AGL: variants seen among roughly 807,000 people sequenced by gnomAD.
AGL encodes the protein glycogen debranching enzyme.
AGL carries 128 observed loss-of-function variants against 199.3 expected under a neutral mutation model. The observed-to-expected ratio is 0.64, with a 90% CI of 0.56 to 0.74. The LOEUF is 0.74. Ranked by LOEUF, AGL falls within the 30% of genes least tolerant of loss-of-function variation. The probability of loss-of-function intolerance (pLI) is 0.00; values close to 1 mark genes in which losing one functional copy is unlikely to be tolerated. For missense variants in AGL, 1,809 were observed against 1,820.8 expected, an observed-to-expected ratio of 0.99 and a Z score of 0.12; for synonymous variants, 584 against 594.7, an observed-to-expected ratio of 0.98 and a Z score of 0.26.
chr1:99,864,362 G>T, intron 4 of AGL, 24 bp from the exon 5 acceptor site: 1 of 1,587,586 alleles, frequency 6.3e-7, no homozygotes, highest in Middle Eastern at 1.7e-4. Context: ...TTTTACAGTG[G>T]TCTTTCCTTT....
At chr1:99,876,191 A>T (rs1450498084) in intron 10 of AGL, among the ~76,000 whole-genome samples, 1 of 152,222 alleles carries the variant, frequency 6.6e-6, no homozygotes, top group Non-Finnish European at 1.5e-5. Context: ...ATGATTTTTT[A>T]AAATAATTTT....
At chr1:99,908,198 A>G (rs1407904260) in intron 27 of AGL, among the ~76,000 whole-genome samples, 2 of 128,500 alleles carry the variant, frequency 1.6e-5, no homozygotes, top group African/African-American at 5.7e-5. Flanking sequence ...ATATGATATT[A>G]AGTCCAAGTC....
intron 12 of AGL, among the ~76,000 whole-genome samples, chr1:99,879,682 C>G (rs928942004): frequency 6.6e-6 from 1 of 151,958 alleles, no homozygotes; most frequent in Non-Finnish European, 1.5e-5. Context: ...ATGAAACTAA[C>G]ATTTTTCTTC....
At chr1:99,871,137 A>G (rs573023818) in intron 7 of AGL, among the ~76,000 whole-genome samples, 31 of 152,304 alleles carry the variant, frequency 2.0e-4, no homozygotes, top group Middle Eastern at 3.4e-3. Flanking sequence ...TGTGGAACCC[A>G]GTATATAGTT....
At position 99,892,010 on chromosome 1, in the gene AGL, GTTAA is replaced by G. The variant is rs549185039; in HGVS notation, c.3083+274_3083+277del. Among the ~76,000 whole-genome samples, 16 of 152,172 alleles carry G rather than the reference GTTAA, an allele frequency of 1.1e-4. 1 individual carries two copies. The East Asian group carries it at 2.9e-3, about 27-fold the overall frequency. Reference sequence around the variant, plus strand: ...TTCTATGTATTCACTGACTTATTGAGTTAATTGATAAAGTTTCTGAAATCTACAT... The same window carrying G: ...TTCTATGTATTCACTGACTTATTGAGTTGATAAAGTTTCTGAAATCTACAT... On this transcript the variant is annotated intron_variant, in intron 23 of 33. Transcript: ENST00000361915.
intron 2 of AGL, chr1:99,861,170 TA>T: frequency 8.5e-7 from 1 of 1,182,274 alleles, no homozygotes; most frequent in Non-Finnish European, 1.1e-6. Context: ...ATTGGGTACT[TA>T]ATTCAGGGGT....
At chr1:99,880,119 TC>T (rs1394482253) in intron 13 of AGL, 73 bp downstream of exon 13, 1 of 1,586,416 alleles carries the variant, frequency 6.3e-7, no homozygotes, top group Non-Finnish European at 8.6e-7. Context: ...TTTAATAGCT[TC>T]ATATGCAATG....
At chr1:99,910,209 C>A (rs1654634342) in intron 27 of AGL, among the ~76,000 whole-genome samples, 1 of 152,074 alleles carries the variant, frequency 6.6e-6, no homozygotes, top group Non-Finnish European at 1.5e-5. Flanking sequence ...ACATTGTACC[C>A]ATTAAGTAAT....
rs561789163 is a variant in AGL at position 99,922,590 on chromosome 1, T to C, written c.*939T>C. 17 of 151,914 alleles carry C rather than the reference T, an allele frequency of 1.1e-4. No individual in the cohort carries two copies. In the East Asian group the frequency reaches 2.9e-3, roughly 26 times the overall value. The allele number at this position is 151,914 out of a possible 1,614,324, so 9.4% of individuals were successfully genotyped here. On this transcript the variant is annotated 3_prime_UTR_variant, in exon 34 of 34. Transcript: ENST00000361915. Reference sequence around the variant, plus strand: ...AATTCAGTAGATATCTTAAATTCAATAAAATCACTGGAAGTTTTTCATGAT... The same window carrying C: ...AATTCAGTAGATATCTTAAATTCAACAAAATCACTGGAAGTTTTTCATGAT...
intron 24 of AGL, among the ~76,000 whole-genome samples, chr1:99,893,999 A>G (rs998148650): frequency 6.6e-6 from 1 of 152,032 alleles, no homozygotes; most frequent in Non-Finnish European, 1.5e-5. Context: ...CCTGAACAAC[A>G]TAGCAAGACC....
At chr1:99,892,072 G>GA (rs755937107) in intron 23 of AGL, among the ~76,000 whole-genome samples, 58 of 152,120 alleles carry the variant, frequency 3.8e-4, no homozygotes, top group African/African-American at 1.2e-3. Flanking sequence ...TCAATTAGGA[G>GA]AAAAAATTCC....
chr1:99,862,513 C>A, intron 4 of AGL, 90 bp downstream of exon 4: 1 of 1,388,164 alleles, frequency 7.2e-7, no homozygotes, highest in Non-Finnish European at 1.0e-6. Flanking sequence ...GTGTATTAGT[C>A]CATTCTCTCA....
chr1:99,915,253 T>A (rs1443933817), intron 30 of AGL, 136 bp from the exon 31 acceptor site: 2 of 748,472 alleles, frequency 2.7e-6, no homozygotes, highest in Non-Finnish European at 4.8e-6. Flanking sequence ...TAGATCTGTT[T>A]AGGCATCTAC....
At chr1:99,897,371 A>G (rs925522545) in intron 25 of AGL, among the ~76,000 whole-genome samples, 3 of 152,228 alleles carry the variant, frequency 2.0e-5, no homozygotes, top group Non-Finnish European at 2.9e-5. Context: ...TCAACAGTCT[A>G]AGGCTGAAGT....
chr1:99,866,816 T>C (rs1650554709), intron 5 of AGL, among the ~76,000 whole-genome samples: 2 of 86,316 alleles, frequency 2.3e-5, no homozygotes, highest in African/African-American at 1.3e-4. Flanking sequence ...TTATTTATTT[T>C]ATTTATTTTA....
intron 30 of AGL, among the ~76,000 whole-genome samples, chr1:99,914,072 C>T (rs1243643126): frequency 6.6e-6 from 1 of 152,074 alleles, no homozygotes; most frequent in East Asian, 1.9e-4. Context: ...TCACTTCAGC[C>T]CAGGAGTTTG....
At position 99,877,702 on chromosome 1, in the gene AGL, T is replaced by C. The variant is rs770086903; in HGVS notation, c.1485T>C (p.Tyr495=). The change falls in exon 12 of 34, where the codon TAT becomes TAC. Residue 495 remains tyrosine (Y), a synonymous_variant. Coordinates refer to ENST00000361915, the MANE Select transcript of AGL (RefSeq NM_000642.3). The part of the protein sequence containing the change: ...ICWGDSVKLR[Y]GNKPEDCPYL... ...GGGGAGACAGTGTTAAATTACGCTA[T>C]GGGAATAAACCAGAGGACTGTCCTT... 6.2e-7 allele frequency: 1 copy of C among 1,614,076 alleles called. No individual in the cohort carries two copies. Among genetic ancestry groups the C allele is most frequent in the Admixed American group, 1.7e-5 (1 of 60,014 alleles).
At chr1:99,851,301 A>G (rs1351960720) in intron 2 of AGL, among the ~76,000 whole-genome samples, 177 bp downstream of exon 2, 22 of 152,238 alleles carry the variant, frequency 1.4e-4, no homozygotes. Flanking sequence ...GTTGATTTGA[A>G]TTAAAAATAT....
At chr1:99,867,650 G>A (rs1389731842) in intron 5 of AGL, among the ~76,000 whole-genome samples, 1 of 151,836 alleles carries the variant, frequency 6.6e-6, no homozygotes, top group Admixed American at 6.6e-5. Flanking sequence ...CCACCTCCCG[G>A]GTTCAAGCGA....
Sources: gnomAD v4.1 joint callset for allele counts (sites outside exome capture counted in the v4.1 genomes callset) on GRCh38, gnomAD v4.1.1 for gene constraint, MANE v1.5 for transcripts, NCBI Gene and HGNC (gene_info 2026-07-23, HGNC 2026-07-21) for gene names.